The following DSCAML1 variants were observed in gnomAD, a reference collection of about 807,000 sequenced individuals.
DSCAML1 encodes cell adhesion molecule DSCAML1.
Under a neutral mutation model 200.5 loss-of-function variants are expected in DSCAML1, and 38 were observed. The observed-to-expected ratio is 0.19, with a 90% confidence interval of 0.15 to 0.25. DSCAML1 has a LOEUF of 0.25. Among genes scored for constraint, DSCAML1 ranks in the 10% least tolerant of loss-of-function variants. The pLI is 1.00. For missense variants in DSCAML1, 2,223 were observed against 2,858.8 expected (o/e 0.78, Z 5.07); for synonymous variants, 1,215 against 1,165.0 (o/e 1.04, Z -0.87).
rs76775535 is a variant in DSCAML1, at chr11:117,544,594, T to C, written c.512-12072A>G. 9.9e-3 allele frequency among the ~76,000 whole-genome samples: 1,499 copies of C among 152,168 alleles called. 27 individuals are homozygous for C. The highest frequency in any genetic ancestry group is 0.035 in the African/African-American group (1,442 of 41,498). ...CCTGGGAGTCCCTGCCAGCCTGGGT[T>C]TGAAAAAACCAAGGGAAGCCAGGCC... On this transcript the variant is annotated intron_variant, in intron 3 of 32. Transcript: ENST00000651296.
intron 3 of DSCAML1, among the ~76,000 whole-genome samples, chr11:117,568,758 G>A (rs183164185): frequency 0.014 from 2,158 of 152,254 alleles, 44 homozygotes; most frequent in African/African-American, 0.048. Flanking sequence ...ATGCTCACGG[G>A]TAGGAAGAAT....
intron 19 of DSCAML1, among the ~76,000 whole-genome samples, chr11:117,450,941 C>T (rs553043145): frequency 5.3e-5 from 8 of 152,172 alleles, no homozygotes; most frequent in Admixed American, 1.3e-4. Flanking sequence ...ACTGTTTGGC[C>T]AGAACCAAGG....
At chr11:117,542,916 G>T (rs1419170985) in intron 3 of DSCAML1, among the ~76,000 whole-genome samples, 1 of 152,220 alleles carries the variant, frequency 6.6e-6, no homozygotes, top group Admixed American at 6.5e-5. Context: ...TGCCAGGAAA[G>T]TGTGTGCTGC....
intron 14 of DSCAML1, among the ~76,000 whole-genome samples, chr11:117,477,842 G>A (rs998271366): frequency 6.6e-6 from 1 of 152,204 alleles, no homozygotes; most frequent in Non-Finnish European, 1.5e-5. Context: ...ATGCCTGCCT[G>A]GGTGGGCTGT....
At chr11:117,533,029 A>G (rs534622188) in intron 3 of DSCAML1, among the ~76,000 whole-genome samples, 5 of 151,900 alleles carry the variant, frequency 3.3e-5, no homozygotes, top group Admixed American at 6.6e-5. Context: ...AGTCCCAGAT[A>G]CTTGGGAGGC....
At chr11:117,657,715 T>C (rs2052762768) in intron 3 of DSCAML1, among the ~76,000 whole-genome samples, 1 of 152,142 alleles carries the variant, frequency 6.6e-6, no homozygotes, top group African/African-American at 2.4e-5. Context: ...ACATTAGAGA[T>C]GGATGCTGGA....
chr11:117,457,517 C>T (rs1365991187), intron 19 of DSCAML1, among the ~76,000 whole-genome samples: 1 of 152,246 alleles, frequency 6.6e-6, no homozygotes. Flanking sequence ...ACAGTCTCCA[C>T]GCTGGAGCAG....
chr11:117,626,784 C>T lies in DSCAML1; in HGVS notation c.512-94262G>A, dbSNP rs917810684. Reference sequence around the variant, plus strand: ...TCCCTGGACTACTGGCCCCAGGGACCGCCCTGACATTGTGACCACCTGGGA... The same window carrying T: ...TCCCTGGACTACTGGCCCCAGGGACTGCCCTGACATTGTGACCACCTGGGA... On this transcript the variant is annotated intron_variant, in intron 3 of 32. Coordinates refer to ENST00000651296, the MANE Select transcript of DSCAML1 (RefSeq NM_020693.4). Among the ~76,000 whole-genome samples, 11 of 152,324 alleles carry T rather than the reference C, an allele frequency of 7.2e-5. No individual in the cohort carries two copies. The East Asian group carries it at 9.7e-4, about 13-fold the overall frequency.
intron 1 of DSCAML1, among the ~76,000 whole-genome samples, chr11:117,795,879 G>A (rs745360673): frequency 8.5e-5 from 13 of 152,184 alleles, no homozygotes; most frequent in Non-Finnish European, 1.8e-4. Context: ...AAGAGTTGCC[G>A]CCCGGCCAGG....
chr11:117,619,166 C>T (rs916750593), intron 3 of DSCAML1, among the ~76,000 whole-genome samples: 9 of 152,220 alleles, frequency 5.9e-5, no homozygotes, highest in Non-Finnish European at 1.2e-4. Context: ...GCTGCCAAGT[C>T]GGCCCAGTGC....
At chr11:117,456,889 G>T (rs1342223933) in intron 19 of DSCAML1, among the ~76,000 whole-genome samples, 1 of 151,870 alleles carries the variant, frequency 6.6e-6, no homozygotes, top group Non-Finnish European at 1.5e-5. Context: ...TGTCCAGGCT[G>T]GTCTCGCACT....
At chr11:117,543,801 G>GTT (rs55730750) in intron 3 of DSCAML1, among the ~76,000 whole-genome samples, 23,084 of 146,386 alleles carry the variant, frequency 0.16, 1,991 homozygotes, top group South Asian at 0.39. Flanking sequence ...TTATAGGGCA[G>GTT]TTTTTTTTTT....
intron 1 of DSCAML1, among the ~76,000 whole-genome samples, chr11:117,816,031 T>C (rs1007962018): frequency 2.6e-5 from 4 of 152,020 alleles, no homozygotes; most frequent in South Asian, 2.1e-4. Flanking sequence ...AATCTCCCAA[T>C]GCCACCTTCT....
intron 3 of DSCAML1, among the ~76,000 whole-genome samples, chr11:117,687,417 T>C (rs957725656): frequency 1.4e-5 from 2 of 140,480 alleles, no homozygotes; most frequent in Non-Finnish European, 3.0e-5. Flanking sequence ...TGCTCCACCA[T>C]GCCTGGCTAT....
chr11:117,640,688 G>T (rs778240576), intron 3 of DSCAML1, among the ~76,000 whole-genome samples: 1 of 152,092 alleles, frequency 6.6e-6, no homozygotes, highest in Non-Finnish European at 1.5e-5. Context: ...TTTCTTTCAC[G>T]TGGTGCTTGC....
In DSCAML1 at chr11:117,508,976, A is replaced by C. The variant is rs114274814; in HGVS notation, c.1784-3244T>G. ...AGTTACTAAGGCAGGTTAATTCATTAATTAACTAATTCATCTAATATTTAT... is the reference window on the plus strand; with the variant it reads ...AGTTACTAAGGCAGGTTAATTCATTCATTAACTAATTCATCTAATATTTAT... On this transcript the variant is annotated intron_variant, in intron 8 of 32. Transcript: ENST00000651296. Among the ~76,000 whole-genome samples, 1,445 of 152,190 alleles carry C rather than the reference A, an allele frequency of 9.5e-3. 26 individuals carry two copies. Among genetic ancestry groups the C allele is most frequent in the African/African-American group, 0.033 (1,375 of 41,474 alleles).
chr11:117,604,375 T>TA (rs2051524079), intron 3 of DSCAML1, among the ~76,000 whole-genome samples: 1 of 151,944 alleles, frequency 6.6e-6, no homozygotes, highest in South Asian at 2.1e-4. Flanking sequence ...TTTGACCTCT[T>TA]ACTGCTTTTG....
chr11:117,505,435 C>T lies in DSCAML1; in HGVS notation c.2062+19G>A. The T allele has an allele frequency of 6.2e-7, 1 of 1,602,168 alleles. No individual in the cohort carries two copies. Among genetic ancestry groups the T allele is most frequent in the Non-Finnish European group, 8.5e-7 (1 of 1,176,510 alleles). The stretch of plus-strand genomic sequence containing the variant: ...GAATGGGCTCCTCCCTCCCCTGAGG[C>T]TGGCCTGTCCCTGCTCACCACGCAC... On this transcript the variant is annotated intron_variant, in intron 9 of 32. Transcript: ENST00000651296. This position sits in a 1 kb window ranked among gnomAD's most constrained non-coding sequence, Gnocchi z 6.7.
At chr11:117,605,839 G>A (rs2064474997) in intron 3 of DSCAML1, among the ~76,000 whole-genome samples, 2 of 152,156 alleles carry the variant, frequency 1.3e-5, no homozygotes, top group East Asian at 1.9e-4. Flanking sequence ...TTGGGTGTGG[G>A]GGTGTGGGTG....
Sources: gnomAD v4.1 joint callset for allele counts (sites outside exome capture counted in the v4.1 genomes callset) on GRCh38, gnomAD v4.1.1 for gene constraint, Gnocchi (gnomAD v3.1) non-coding constraint, MANE v1.5 for transcripts, NCBI Gene and HGNC (gene_info 2026-07-23, HGNC 2026-07-21) for gene names.